Variants in PCMTD2 observed in about 807,000 individuals in gnomAD.
PCMTD2 encodes protein-L-isoaspartate O-methyltransferase domain-containing protein 2.
In PCMTD2, 16 loss-of-function variants were observed where a neutral mutation model predicts 33.4. The observed-to-expected ratio is 0.48, with a 90% CI of 0.32 to 0.73. The LOEUF (loss-of-function observed/expected upper bound fraction) is 0.73. Ranked by LOEUF, PCMTD2 falls within the 30% of genes least tolerant of loss-of-function variation. PCMTD2 has a pLI of 0.03. For synonymous variants in PCMTD2, 161 were observed against 160.8 expected (o/e 1.00, Z -0.01); for missense variants, 374 against 449.9 (o/e 0.83, Z 1.53).
rs2145772107 is a variant in PCMTD2 at position 64,274,449 on chromosome 20, T to C, written c.*849T>C. ...ACATTTGCCCTAACCCTAGGGATGATTCTTTACCCAGTTTTAAAGCCCATC... is the reference window on the plus strand; with the variant it reads ...ACATTTGCCCTAACCCTAGGGATGACTCTTTACCCAGTTTTAAAGCCCATC... On this transcript the variant is annotated 3_prime_UTR_variant, in exon 6 of 6. Coordinates refer to ENST00000308824, the MANE Select transcript of PCMTD2 (RefSeq NM_018257.3). 6.6e-6 allele frequency: 1 copy of C among 152,318 alleles called. No individual in the cohort carries two copies. Among genetic ancestry groups the C allele is most frequent in the Non-Finnish European group, 1.5e-5 (1 of 68,032 alleles). 9.4% of individuals were successfully genotyped at this position (152,318 alleles called of 1,614,324 possible). A position where few individuals can be genotyped will look rare whatever the true frequency, so the allele number is the denominator to read the frequency against.
Position 64,273,285 on chromosome 20 carries a change from G to A in PCMTD2, c.771G>A (p.Lys257=), listed in dbSNP as rs748873747. Residue 257 remains lysine (K), a synonymous_variant, in exon 6 of 6, where the codon AAG becomes AAA. Coordinates refer to ENST00000308824, the MANE Select transcript of PCMTD2 (RefSeq NM_018257.3). ...TCGCCATCCGGGGCACCATTAAAAA[G>A]ATTATTCATCAGGAAACTGTGAGCA... is the stretch of plus-strand genomic sequence containing the variant. The part of the protein sequence containing the change: ...ARIAIRGTIK[K]IIHQETVSKN... The A allele has an allele frequency of 6.2e-7, 1 of 1,614,130 alleles. No homozygotes were observed.
In PCMTD2 at chr20:64,260,122, G is replaced by A; in HGVS notation, c.157G>A (p.Asp53Asn). The A allele has an allele frequency of 6.2e-6, 10 of 1,613,968 alleles. No individual in the cohort carries two copies. The highest frequency in any genetic ancestry group is 8.5e-6 in the Non-Finnish European group (10 of 1,179,834). The change falls in exon 2 of 6, where the codon GAC becomes AAC. Residue 53 changes from aspartate to asparagine, a missense_variant. By Grantham distance (23) the Asp-to-Asn change is conservative. Transcript: ENST00000308824. Reference protein sequence around the residue: ...LEEFKENAYKDLAWKHGNIHL... With the variant: ...LEEFKENAYKNLAWKHGNIHL... Reference sequence around the variant, plus strand: ...AGAATTTAAAGAAAATGCTTATAAAGACTTGGCATGGAAGCATGGAAACAT... The same window carrying A: ...AGAATTTAAAGAAAATGCTTATAAAAACTTGGCATGGAAGCATGGAAACAT...
chr20:64,259,391 T>C (rs1489456907), intron 1 of PCMTD2, among the ~76,000 whole-genome samples: 19 of 144,098 alleles, frequency 1.3e-4, no homozygotes, highest in African/African-American at 3.5e-4. Flanking sequence ...TTTCTCTTTT[T>C]TTTTTTTTTT....
chr20:64,269,002 GAA>G lies in PCMTD2; in HGVS notation c.706+995_706+996del, dbSNP rs540884980. 2.0e-4 allele frequency among the ~76,000 whole-genome samples: 31 copies of G among 152,348 alleles called. 1 individual carries two copies. In the South Asian group the frequency reaches 6.2e-3, roughly 31 times the overall value. On this transcript the variant is annotated intron_variant, in intron 5 of 5. Coordinates refer to ENST00000308824, the MANE Select transcript of PCMTD2 (RefSeq NM_018257.3). ...TTCCCTAAAGAGAGAAGAAAGGGGA[GAA>G]AAGTACCAGCAGTGGCAGGACATAA...
At chr20:64,261,320 T>G (rs1004374998) in intron 2 of PCMTD2, among the ~76,000 whole-genome samples, 4 of 152,204 alleles carry the variant, frequency 2.6e-5, no homozygotes, top group African/African-American at 9.7e-5. Flanking sequence ...AGACGCTGGA[T>G]GAAACCAGTG....
At chr20:64,267,759 C>T (rs986525494) in intron 4 of PCMTD2, 128 bp from the exon 5 acceptor site, 19 of 743,838 alleles carry the variant, frequency 2.6e-5, no homozygotes, top group African/African-American at 2.1e-4. Context: ...ATTAGGGGTC[C>T]GTATGTCAAG....
intron 1 of PCMTD2, among the ~76,000 whole-genome samples, chr20:64,257,558 G>A (rs1171715491): frequency 5.9e-5 from 9 of 152,216 alleles, no homozygotes; most frequent in Admixed American, 5.9e-4. Flanking sequence ...TTTGTTGTCG[G>A]TGTTTTTGGT....
intron 5 of PCMTD2, among the ~76,000 whole-genome samples, chr20:64,269,769 G>T (rs1375839198): frequency 6.6e-6 from 1 of 151,544 alleles, no homozygotes; most frequent in African/African-American, 2.4e-5. Flanking sequence ...GACATTTGCA[G>T]TGTGGGGTAA....
At position 64,273,374 on chromosome 20, in the gene PCMTD2, T is replaced by A. The variant is rs746850647; in HGVS notation, c.860T>A (p.Met287Lys). 5 of 1,614,200 alleles carry A rather than the reference T, an allele frequency of 3.1e-6. No individual in the cohort carries two copies. Among genetic ancestry groups the A allele is most frequent in the Non-Finnish European group, 4.2e-6 (5 of 1,180,026 alleles). Residue 287 changes from methionine (M) to lysine (K), a missense_variant, in exon 6 of 6, where the codon ATG (methionine) becomes AAG (lysine). By Grantham distance (95) the Met-to-Lys change is moderately conservative. Transcript: ENST00000308824. ...FKRRRVRRRR[M>K]ETIVFLDKEV... ...CGAAGGAGAGTTCGCCGCCGTCGAA[T>A]GGAAACGATTGTCTTTTTGGACAAA...
intron 2 of PCMTD2, chr20:64,263,067 GT>G (rs1383203379): frequency 1.3e-4 from 20 of 152,310 alleles, no homozygotes; most frequent in African/African-American, 4.3e-4. Flanking sequence ...TCTCATATCT[GT>G]TACTAGAATT....
At chr20:64,264,922 C>T (rs1237519829) in intron 3 of PCMTD2, among the ~76,000 whole-genome samples, 1 of 152,150 alleles carries the variant, frequency 6.6e-6, no homozygotes, top group Non-Finnish European at 1.5e-5. Context: ...TTTCACCACC[C>T]CCACATCTCA....
At chr20:64,256,264 T>A (rs918648285) in intron 1 of PCMTD2, among the ~76,000 whole-genome samples, 4 of 152,134 alleles carry the variant, frequency 2.6e-5, no homozygotes, top group African/African-American at 4.8e-5. Context: ...CAGGATTTTT[T>A]AAAAAAATAA....
chr20:64,264,808 G>A (rs1329022207), intron 3 of PCMTD2, among the ~76,000 whole-genome samples: 2 of 152,136 alleles, frequency 1.3e-5, no homozygotes. Flanking sequence ...TAAAATTGTT[G>A]CATTTGTCTC....
rs1358348051 is a variant in PCMTD2 at position 64,260,028 on chromosome 20, A to G, written c.63A>G (p.Ala21=). 93 of 1,611,018 alleles carry G rather than the reference A, an allele frequency of 5.8e-5. No homozygotes were observed. The highest frequency in any genetic ancestry group is 7.7e-5 in the Non-Finnish European group (91 of 1,177,110). The change falls in exon 2 of 6, where the codon GCA becomes GCG. Residue 21 remains alanine (A), a synonymous_variant. Transcript: ENST00000308824. ...AGCTGATAGATAATTTGAAAGAAGC[A>G]CAGTATATCCGGACTGAGCTGGTAG... ...NDELIDNLKE[A]QYIRTELVEQ... is the part of the protein sequence containing the mutation.
intron 3 of PCMTD2, 27 bp downstream of exon 3, chr20:64,264,558 C>T: frequency 9.2e-7 from 1 of 1,082,488 alleles, no homozygotes; most frequent in South Asian, 1.2e-5. Context: ...TCCATTGGCT[C>T]AGATGATGTG....
chr20:64,272,034 T>G (rs899327612), intron 5 of PCMTD2: 6 of 361,914 alleles, frequency 1.7e-5, no homozygotes, highest in African/African-American at 1.3e-4. Flanking sequence ...GAGAAAGGAC[T>G]GAAGACAAAG....
intron 4 of PCMTD2, among the ~76,000 whole-genome samples, chr20:64,266,023 C>T (rs1985643345): frequency 6.6e-6 from 1 of 152,080 alleles, no homozygotes; most frequent in African/African-American, 2.4e-5. Flanking sequence ...CTCCCAGTCA[C>T]AAAGAACTAG....
rs553257617 is a variant in PCMTD2 at position 64,270,296 on chromosome 20, GCA to G, written c.706+2289_706+2290del. ...TGTGGGGTCATGTGAGTGCGGATGT[GCA>G]CAGTGTGGGATCGTGTGAGTGCACA... On this transcript the variant is annotated intron_variant, in intron 5 of 5. Coordinates refer to ENST00000308824, the MANE Select transcript of PCMTD2 (RefSeq NM_018257.3). Among the ~76,000 whole-genome samples, 3 of 150,054 alleles carry G rather than the reference GCA, an allele frequency of 2.0e-5. No individual in the cohort carries two copies. The South Asian group carries it at 6.4e-4, about 32-fold the overall frequency.
intron 5 of PCMTD2, among the ~76,000 whole-genome samples, chr20:64,268,725 CAAAAAA>C (rs71197474): frequency 7.3e-6 from 1 of 136,838 alleles, no homozygotes; most frequent in African/African-American, 2.6e-5. Flanking sequence ...CATAGTCTTA[CAAAAAA>C]AAAAAAAAGT....
Sources: allele counts gnomAD v4.1 joint callset (sites outside exome capture counted in the v4.1 genomes callset), GRCh38; gene constraint gnomAD v4.1.1; transcripts MANE v1.5; gene names NCBI Gene and HGNC (gene_info 2026-07-23, HGNC 2026-07-21).